Variants in SEC62 observed in about 807,000 individuals in gnomAD.
SEC62 encodes SEC62 preprotein translocation factor.
A neutral mutation model predicts 47.5 loss-of-function variants in SEC62; 10 were observed. That is an observed-to-expected ratio of 0.21 (90% CI 0.13 to 0.36). The LOEUF is 0.36. SEC62 is among the 10% of genes least tolerant of loss of function. The probability of loss-of-function intolerance (pLI) is 1.00; values close to 1 mark genes in which losing one functional copy is unlikely to be tolerated. For synonymous variants in SEC62, 136 were observed against 150.5 expected (o/e 0.90, Z 0.71); for missense variants, 327 against 464.1 (o/e 0.70, Z 2.71).
At chr3:169,987,632 C>T (rs1023883032) in intron 6 of SEC62, among the ~76,000 whole-genome samples, 6 of 152,144 alleles carry the variant, frequency 3.9e-5, no homozygotes, top group African/African-American at 1.4e-4. Context: ...TAATCCTGGT[C>T]TTATTCTAAA....
rs1715357158 is a variant in SEC62 at position 169,995,688 on chromosome 3, G to A, written c.*2625G>A. 1 of 152,068 alleles carries A rather than the reference G, an allele frequency of 6.6e-6. No homozygotes were observed. Among genetic ancestry groups the A allele is most frequent in the African/African-American group, 2.4e-5 (1 of 41,470 alleles). 9.4% of individuals were successfully genotyped at this position (152,068 alleles called of 1,614,324 possible). A position where few individuals can be genotyped will look rare whatever the true frequency, so the allele number is the denominator to read the frequency against. On this transcript the variant is annotated 3_prime_UTR_variant, in exon 8 of 8. Coordinates refer to ENST00000337002, the MANE Select transcript of SEC62 (RefSeq NM_003262.4). The stretch of plus-strand genomic sequence containing the variant: ...GTATGGTTGATTCTCATTATTCAAG[G>A]TAGTTACGTTCTATAAAGTCACTGC...
At position 169,992,509 on chromosome 3, in the gene SEC62, C is replaced by T; in HGVS notation, c.731-85C>T. 1 of 902,478 alleles carries T rather than the reference C, an allele frequency of 1.1e-6. No individual in the cohort carries two copies. The highest frequency in any genetic ancestry group is 1.7e-6 in the Non-Finnish European group (1 of 580,840). The allele number at this position is 902,478 out of a possible 1,614,324, so 55.9% of individuals were successfully genotyped here. ...TGTATGAAATGTGCAGATAATAAAA[C>T]TGTTTTCCCAGCTTTTTATTAACAA... On this transcript the variant is annotated intron_variant, in intron 7 of 7. Coordinates refer to ENST00000337002, the MANE Select transcript of SEC62 (RefSeq NM_003262.4). The surrounding 1 kb of genome is among the most constrained non-coding windows in gnomAD (Gnocchi z 4.0).
intron 3 of SEC62, among the ~76,000 whole-genome samples, chr3:169,980,923 A>C (rs1714958145): frequency 6.6e-6 from 1 of 152,228 alleles, no homozygotes; most frequent in South Asian, 2.1e-4. Context: ...AGTGGAAATA[A>C]ATGTTCCTGA....
At chr3:169,972,065 T>G (rs1714712206) in intron 1 of SEC62, among the ~76,000 whole-genome samples, 1 of 152,230 alleles carries the variant, frequency 6.6e-6, no homozygotes, top group South Asian at 2.1e-4. Context: ...ACAATTTACT[T>G]GAATATTACA....
intron 5 of SEC62, 53 bp from the exon 6 acceptor site, chr3:169,985,752 T>A: frequency 7.1e-7 from 1 of 1,412,546 alleles, no homozygotes; most frequent in Admixed American, 1.8e-5. Flanking sequence ...TAAGCATTAC[T>A]TTCTAATGTG....
At chr3:169,974,490 T>TA (rs992815799) in intron 1 of SEC62, among the ~76,000 whole-genome samples, 10 of 151,984 alleles carry the variant, frequency 6.6e-5, no homozygotes, top group African/African-American at 2.4e-4. Flanking sequence ...TGAAAGGGAA[T>TA]AAAGGGAAGA....
rs138379777 is a variant in SEC62 at position 169,966,855 on chromosome 3, C to G, written c.33C>G (p.Ile11Met). 645 of 1,556,208 alleles carry G rather than the reference C, an allele frequency of 4.1e-4. No individual in the cohort carries two copies. Among genetic ancestry groups the G allele is most frequent in the Non-Finnish European group, 5.2e-4 (602 of 1,149,738 alleles). The change falls in exon 1 of 8, where the codon ATC becomes ATG. Residue 11 changes from isoleucine to methionine, a missense_variant. By Grantham distance (10) the Ile-to-Met change is conservative. Coordinates refer to ENST00000337002, the MANE Select transcript of SEC62 (RefSeq NM_003262.4). ...AACGCAGGAGACACAAGAAGCGGAT[C>G]CAGGTAGCAAAGCCGAGCTCTGGGC... is the stretch of plus-strand genomic sequence containing the variant. MAERRRHKKR[I>M]QEVGEPSKEE... is the part of the protein sequence containing the mutation.
At chr3:169,977,766 T>C (rs1714872876) in intron 3 of SEC62, among the ~76,000 whole-genome samples, 2 of 152,116 alleles carry the variant, frequency 1.3e-5, no homozygotes, top group Admixed American at 1.3e-4. Context: ...AACTAAATTT[T>C]GTTTTCATAA....
At chr3:169,983,673 C>T (rs919063558) in intron 5 of SEC62, 1 of 154,054 alleles carries the variant, frequency 6.5e-6, no homozygotes, top group Non-Finnish European at 1.4e-5. Context: ...GAATATGTCT[C>T]CTCTTTAAGG....
chr3:169,970,916 G>A (rs1414275900), intron 1 of SEC62, among the ~76,000 whole-genome samples: 2 of 152,088 alleles, frequency 1.3e-5, no homozygotes, highest in Admixed American at 6.6e-5. Context: ...AGAGGGGGAG[G>A]TACTGTAGTC....
chr3:169,977,061 A>G lies in SEC62; in HGVS notation c.251+10A>G. On this transcript the variant is annotated intron_variant, in intron 3 of 7. Coordinates refer to ENST00000337002, the MANE Select transcript of SEC62 (RefSeq NM_003262.4). ...TTGACTACTGCAACAGGTACTGTTT[A>G]TTTCTTAGTGAAGAATAACATAATA... 1 of 1,559,614 alleles carries G rather than the reference A, an allele frequency of 6.4e-7. No individual in the cohort carries two copies. The highest frequency in any genetic ancestry group is 8.8e-7 in the Non-Finnish European group (1 of 1,139,566).
rs1172377210 is a variant in SEC62 at position 169,992,787 on chromosome 3, C to T, written c.924C>T (p.Asp308=). 1 of 1,613,740 alleles carries T rather than the reference C, an allele frequency of 6.2e-7. No homozygotes were observed. Among genetic ancestry groups the T allele is most frequent in the Non-Finnish European group, 8.5e-7 (1 of 1,179,982 alleles). The change falls in exon 8 of 8, where the codon GAC becomes GAT. Residue 308 remains aspartate, a synonymous_variant. Coordinates refer to ENST00000337002, the MANE Select transcript of SEC62 (RefSeq NM_003262.4). This position sits in a 1 kb window ranked among gnomAD's most constrained non-coding sequence, Gnocchi z 4.0. ...AAACCAAAAAGCAACAGAAGTCCGACAGTGAGGAAAAGTCAGACAGTGAGA... is the reference window on the plus strand; with the variant it reads ...AAACCAAAAAGCAACAGAAGTCCGATAGTGAGGAAAAGTCAGACAGTGAGA... The part of the protein sequence containing the change: ...KSETKKQQKS[D]SEEKSDSEKK...
chr3:169,988,578 GATT>G (rs762448580), intron 7 of SEC62, among the ~76,000 whole-genome samples: 1 of 152,046 alleles, frequency 6.6e-6, no homozygotes, highest in East Asian at 1.9e-4. Context: ...TTTTTAATAA[GATT>G]ATTTTTTATT....
At position 169,982,714 on chromosome 3, in the gene SEC62, A is replaced by C; in HGVS notation, c.259A>C (p.Lys87Gln). ...SVVDYCNRLLKKQFFHRALKV... is the reference protein window; with the variant it reads ...SVVDYCNRLLQKQFFHRALKV... ...TACCTGTTTTTCCCAAAGGCTTTTA[A>C]AGAAGCAGTTTTTTCACCGAGCCCT... is the stretch of plus-strand genomic sequence containing the variant. Residue 87 changes from lysine (K) to glutamine (Q), a missense_variant, in exon 4 of 8, where the codon AAG (lysine) becomes CAG (glutamine). Lys to Gln is a moderately conservative substitution (Grantham distance 53). Coordinates refer to ENST00000337002, the MANE Select transcript of SEC62 (RefSeq NM_003262.4). 6.2e-7 allele frequency: 1 copy of C among 1,608,296 alleles called. No individual in the cohort carries two copies. Among genetic ancestry groups the C allele is most frequent in the Non-Finnish European group, 8.5e-7 (1 of 1,176,388 alleles).
intron 1 of SEC62, among the ~76,000 whole-genome samples, chr3:169,970,576 A>G (rs1165921287): frequency 6.6e-6 from 1 of 152,220 alleles, no homozygotes; most frequent in Non-Finnish European, 1.5e-5. Context: ...CTAAAGTAAA[A>G]AACAGTATTT....
chr3:169,993,076 T>G lies in SEC62; in HGVS notation c.*13T>G, dbSNP rs574369052. 3.4e-4 allele frequency: 523 copies of G among 1,553,962 alleles called. 6 individuals carry two copies. In the South Asian group the frequency reaches 5.9e-3, roughly 18 times the overall value. ...TGAAAAATCATAATCTGACTAATTT[T>G]GGGACTGAATGAATAAGTACAAGAG... On this transcript the variant is annotated 3_prime_UTR_variant, in exon 8 of 8. Coordinates refer to ENST00000337002, the MANE Select transcript of SEC62 (RefSeq NM_003262.4).
At chr3:169,971,684 G>A (rs1363654971) in intron 1 of SEC62, among the ~76,000 whole-genome samples, 1 of 152,080 alleles carries the variant, frequency 6.6e-6, no homozygotes, top group African/African-American at 2.4e-5. Context: ...TTTAAATTTT[G>A]TGCATACATA....
chr3:169,983,802 T>C (rs762867535), intron 5 of SEC62: 1 of 152,206 alleles, frequency 6.6e-6, no homozygotes, highest in Non-Finnish European at 1.5e-5. Flanking sequence ...AAATGCACTT[T>C]TTATACAGGA....
intron 6 of SEC62, 46 bp downstream of exon 6, chr3:169,985,911 A>G: frequency 7.5e-7 from 1 of 1,324,912 alleles, no homozygotes; most frequent in East Asian, 2.3e-5. Flanking sequence ...TCTAAAATTT[A>G]GAAAACAATA....
Sources: gnomAD v4.1 joint callset for allele counts (sites outside exome capture counted in the v4.1 genomes callset) on GRCh38, gnomAD v4.1.1 for gene constraint, Gnocchi (gnomAD v3.1) non-coding constraint, MANE v1.5 for transcripts, NCBI Gene and HGNC (gene_info 2026-07-23, HGNC 2026-07-21) for gene names.